WDR25: variants seen among roughly 807,000 people sequenced by gnomAD.
The protein encoded by WDR25 is WD repeat-containing protein 25.
A neutral mutation model predicts 47.7 loss-of-function variants in WDR25; 35 were observed. The ratio of observed to expected loss-of-function variants is 0.73; its 90% CI spans 0.56 to 0.97. The LOEUF is 0.97. Ranked by LOEUF, WDR25 falls within the 50% of genes least tolerant of loss-of-function variation. The probability of loss-of-function intolerance (pLI) is 0.00; values close to 1 mark genes in which losing one functional copy is unlikely to be tolerated. For synonymous variants in WDR25, 248 were observed against 278.9 expected (o/e 0.89, Z 1.10); for missense variants, 634 against 704.7 (o/e 0.90, Z 1.14).
At chr14:100,510,762 A>AATT (rs1901284224) in intron 4 of WDR25, among the ~76,000 whole-genome samples, 1 of 150,006 alleles carries the variant, frequency 6.7e-6, no homozygotes, top group African/African-American at 2.5e-5. Flanking sequence ...TAATAATAAT[A>AATT]ATGTAAATTT....
At chr14:100,524,184 G>T (rs1425173771) in intron 4 of WDR25, among the ~76,000 whole-genome samples, 2 of 152,044 alleles carry the variant, frequency 1.3e-5, no homozygotes, top group Non-Finnish European at 2.9e-5. Context: ...GTGGTGTGTT[G>T]GCAGGGGCAT....
Position 100,428,589 on chromosome 14 carries a change from T to C in WDR25, c.823-39432T>C, listed in dbSNP as rs957190580. Among the ~76,000 whole-genome samples, 2 of 152,166 alleles carry C rather than the reference T, an allele frequency of 1.3e-5. No individual in the cohort carries two copies. The highest frequency in any genetic ancestry group is 2.9e-5 in the Non-Finnish European group (2 of 68,032). ...TGTTGATGCCGACCTGCTAGCCTGC[T>C]CCATGCTGTCCAGGAGAGTACTGGG... On this transcript the variant is annotated intron_variant, in intron 2 of 6. Transcript: ENST00000402312. The surrounding 1 kb of genome is among the most constrained non-coding windows in gnomAD (Gnocchi z 4.3).
rs1486590734 is a variant in WDR25 at position 100,378,754 on chromosome 14, C to G, written c.-15-2156C>G. ...CGGGCGGATCACGAGGTCAGGAGAT[C>G]GAGACCATCCCGGCTAAAACGGTGA... On this transcript the variant is annotated intron_variant, in intron 1 of 6. Transcript: ENST00000402312. Among the ~76,000 whole-genome samples, 5 of 26,344 alleles carry G rather than the reference C, an allele frequency of 1.9e-4. 2 individuals are homozygous for G. The highest frequency in any genetic ancestry group is 4.0e-4 in the Non-Finnish European group (2 of 5,010). 17.3% of individuals were successfully genotyped at this position (26,344 alleles called of 152,430 possible).
intron 2 of WDR25, among the ~76,000 whole-genome samples, chr14:100,461,371 T>C (rs937733760): frequency 3.0e-4 from 46 of 152,178 alleles, no homozygotes; most frequent in Admixed American, 1.4e-3. Flanking sequence ...AAAATAAAAG[T>C]TAAAAATACC....
chr14:100,516,024 C>A (rs576837514), intron 4 of WDR25, among the ~76,000 whole-genome samples: 47 of 150,850 alleles, frequency 3.1e-4, no homozygotes, highest in African/African-American at 1.1e-3. Flanking sequence ...GAAGCATTTT[C>A]TTACCTCTTT....
At chr14:100,496,282 CTT>C (rs1900726691) in intron 4 of WDR25, among the ~76,000 whole-genome samples, 1 of 152,162 alleles carries the variant, frequency 6.6e-6, no homozygotes, top group Admixed American at 6.5e-5. Flanking sequence ...AGTTGTGAAA[CTT>C]AATGTACATA....
At chr14:100,485,235 C>T (rs1566933020) in intron 4 of WDR25, among the ~76,000 whole-genome samples, 1 of 151,956 alleles carries the variant, frequency 6.6e-6, no homozygotes, top group Admixed American at 6.6e-5. Flanking sequence ...GAGGTGCCCC[C>T]TGCCCAAAAC....
chr14:100,515,641 A>G (rs1376941059), intron 4 of WDR25, among the ~76,000 whole-genome samples: 2 of 151,750 alleles, frequency 1.3e-5, no homozygotes. Context: ...TATTAGTATT[A>G]TTTTTGAGAC....
chr14:100,510,940 A>G lies in WDR25; in HGVS notation c.1102-14930A>G, dbSNP rs181353123. On this transcript the variant is annotated intron_variant, in intron 4 of 6. Transcript: ENST00000402312. ...TGTCTATCTTTATACCATTGTTTTC[A>G]TCATTGTAATATTATAATGAATCTT... Among the ~76,000 whole-genome samples the G allele has an allele frequency of 3.8e-3, 583 of 151,986 alleles. 3 individuals are homozygous for G. Among genetic ancestry groups the G allele is most frequent in the Non-Finnish European group, 6.2e-3 (424 of 67,978 alleles).
intron 2 of WDR25, among the ~76,000 whole-genome samples, chr14:100,463,762 C>G (rs1021356226): frequency 2.0e-5 from 3 of 152,220 alleles, no homozygotes; most frequent in Non-Finnish European, 4.4e-5. Flanking sequence ...TGCAGGCTGA[C>G]CCATCCCTGC....
Position 100,443,792 on chromosome 14 carries a change from C to T in WDR25, c.823-24229C>T, listed in dbSNP as rs774135119. ...GCGCTCCGGGCTGATGTGAAATGAG[C>T]GCATTTGGAAGGCATGAGGAATATG... On this transcript the variant is annotated intron_variant, in intron 2 of 6. Coordinates refer to ENST00000402312, the MANE Select transcript of WDR25 (RefSeq NM_001161476.3). Among the ~76,000 whole-genome samples, 8 of 152,130 alleles carry T rather than the reference C, an allele frequency of 5.3e-5. No individual in the cohort carries two copies. The East Asian group carries it at 5.8e-4, about 11-fold the overall frequency.
rs115203316 is a variant in WDR25 at position 100,529,222 on chromosome 14, T to C, written c.1413+14T>C. On this transcript the variant is annotated intron_variant, in intron 6 of 6. Coordinates refer to ENST00000402312, the MANE Select transcript of WDR25 (RefSeq NM_001161476.3). The surrounding 1 kb of genome is among the most constrained non-coding windows in gnomAD (Gnocchi z 5.1). The stretch of plus-strand genomic sequence containing the variant: ...GAAGGGCACAAGGTACTTCTGTCCT[T>C]GTCCCCCAGGCGAATGCTGAGCCCC... 3,771 of 1,612,870 alleles carry C rather than the reference T, an allele frequency of 2.3e-3. 74 individuals carry two copies. The African/African-American group carries it at 0.044, about 19-fold the overall frequency.
In WDR25 at chr14:100,430,581, G is replaced by A. The variant is rs1377162700; in HGVS notation, c.823-37440G>A. Among the ~76,000 whole-genome samples the A allele has an allele frequency of 1.3e-5, 2 of 152,168 alleles. No individual in the cohort carries two copies. Among genetic ancestry groups the A allele is most frequent in the Non-Finnish European group, 2.9e-5 (2 of 68,028 alleles). On this transcript the variant is annotated intron_variant, in intron 2 of 6. Transcript: ENST00000402312. This position sits in a 1 kb window ranked among gnomAD's most constrained non-coding sequence, Gnocchi z 4.7. ...GTCTTGATGTGCAAAATGGCTTCAT[G>A]TACTGATAACCTCGTACCTTATGCC...
intron 2 of WDR25, among the ~76,000 whole-genome samples, chr14:100,433,671 C>G (rs949783627): frequency 2.1e-4 from 32 of 152,154 alleles, no homozygotes; most frequent in Admixed American, 1.3e-3. Context: ...ATTCCCCCCC[C>G]ATTAGTCTGT....
At chr14:100,382,716 A>G (rs1241041722) in intron 2 of WDR25, among the ~76,000 whole-genome samples, 1 of 152,150 alleles carries the variant, frequency 6.6e-6, no homozygotes, top group Non-Finnish European at 1.5e-5. Flanking sequence ...GCGGGTGCCA[A>G]CTAAATGCTA....
intron 2 of WDR25, among the ~76,000 whole-genome samples, chr14:100,409,216 G>T (rs1897634385): frequency 6.6e-6 from 1 of 152,234 alleles, no homozygotes; most frequent in Admixed American, 6.5e-5. Flanking sequence ...TGGAGACCCA[G>T]TGATCCGGCT....
intron 4 of WDR25, among the ~76,000 whole-genome samples, chr14:100,503,080 T>C (rs1900991810): frequency 6.6e-6 from 1 of 151,556 alleles, no homozygotes; most frequent in Non-Finnish European, 1.5e-5. Flanking sequence ...TGTGTGTGCA[T>C]GCGCATTCAG....
chr14:100,445,986 G>A (rs1427266101), intron 2 of WDR25, among the ~76,000 whole-genome samples: 1 of 152,148 alleles, frequency 6.6e-6, no homozygotes, highest in African/African-American at 2.4e-5. Context: ...TGGCCATCCT[G>A]GTAGATGAAA....
chr14:100,431,828 G>A (rs1462924447), intron 2 of WDR25, among the ~76,000 whole-genome samples: 1 of 152,016 alleles, frequency 6.6e-6, no homozygotes, highest in East Asian at 1.9e-4. Context: ...TCTTGCCTCA[G>A]CCTCCCAAGT....
Sources: gnomAD v4.1 joint callset for allele counts (sites outside exome capture counted in the v4.1 genomes callset) on GRCh38, gnomAD v4.1.1 for gene constraint, Gnocchi (gnomAD v3.1) non-coding constraint, MANE v1.5 for transcripts, NCBI Gene and HGNC (gene_info 2026-07-23, HGNC 2026-07-21) for gene names.